HECW1: variants seen among roughly 807,000 people sequenced by gnomAD.
HECW1 encodes the protein HECT, C2 and WW domain containing E3 ubiquitin protein ligase 1.
Under a neutral mutation model 182.3 loss-of-function variants are expected in HECW1, and 61 were observed. The ratio of observed to expected loss-of-function variants is 0.33; its 90% CI spans 0.27 to 0.41. HECW1 has a LOEUF of 0.41. Ranked by LOEUF, HECW1 falls within the 10% of genes least tolerant of loss-of-function variation. The pLI is 1.00. For synonymous variants in HECW1, 859 were observed against 832.6 expected, an observed-to-expected ratio of 1.03 and a Z score of -0.55; for missense variants, 1,739 against 2,108.9, an observed-to-expected ratio of 0.82 and a Z score of 3.44.
chr7:43,247,841 GGAA>G lies in HECW1; in HGVS notation c.27+3914_27+3916del, dbSNP rs532626585. Among the ~76,000 whole-genome samples the G allele has an allele frequency of 5.0e-4, 61 of 122,054 alleles. 3 individuals carry two copies. Among genetic ancestry groups the G allele is most frequent in the African/African-American group, 2.6e-3 (61 of 23,108 alleles). 80.1% of individuals were successfully genotyped at this position (122,054 alleles called of 152,430 possible). A position where few individuals can be genotyped will look rare whatever the true frequency, so the allele number is the denominator to read the frequency against. On this transcript the variant is annotated intron_variant, in intron 3 of 29. Transcript: ENST00000395891. ...AAAGAGAGAGAAAGGTAAGAAGGAA[GGAA>G]GAAGGAAGGAAGGAAAGAAAGAAGA...
At chr7:43,471,621 T>A (rs2078028796) in intron 16 of HECW1, among the ~76,000 whole-genome samples, 1 of 151,990 alleles carries the variant, frequency 6.6e-6, no homozygotes, top group African/African-American at 2.4e-5. Flanking sequence ...ATCTTCAGAG[T>A]CTGAGAAAGG....
chr7:43,443,294 C>G (rs1034800611), intron 10 of HECW1, among the ~76,000 whole-genome samples: 2 of 152,212 alleles, frequency 1.3e-5, no homozygotes, highest in African/African-American at 4.8e-5. Context: ...TAATGAAGCT[C>G]TTGAGAACTT....
At chr7:43,524,945 G>T (rs189490385) in intron 24 of HECW1, among the ~76,000 whole-genome samples, 1 of 152,276 alleles carries the variant, frequency 6.6e-6, no homozygotes, top group Admixed American at 6.5e-5. Flanking sequence ...AACTGAGGAG[G>T]TTTTCACGAG....
chr7:43,118,115 C>A (rs1785224090), intron 2 of HECW1: 1 of 152,510 alleles, frequency 6.6e-6, no homozygotes, highest in Non-Finnish European at 1.5e-5. Flanking sequence ...CAAATGCCAT[C>A]ATGGAGACTT....
At chr7:43,488,934 G>A (rs2078826871) in intron 17 of HECW1, among the ~76,000 whole-genome samples, 2 of 152,198 alleles carry the variant, frequency 1.3e-5, no homozygotes. Context: ...GGGCTAACTG[G>A]ACTTCAGCTG....
At chr7:43,388,500 T>C (rs2074891046) in intron 6 of HECW1, among the ~76,000 whole-genome samples, 1 of 152,196 alleles carries the variant, frequency 6.6e-6, no homozygotes. Context: ...GTGTACTGCA[T>C]AATGATTATC....
chr7:43,228,552 C>G lies in HECW1; in HGVS notation c.-31-15323C>G, dbSNP rs180990379. 6.6e-5 allele frequency among the ~76,000 whole-genome samples: 10 copies of G among 152,304 alleles called. No homozygotes were observed. The East Asian group carries it at 1.2e-3, about 18-fold the overall frequency. The stretch of plus-strand genomic sequence containing the variant: ...TGAGTTTGGGGGAGAAGAACACTTG[C>G]ATGGATCACCAGCTGGGTATAAATT... On this transcript the variant is annotated intron_variant, in intron 2 of 29. Transcript: ENST00000395891.
chr7:43,248,683 C>A, intron 3 of HECW1: 1 of 136,642 alleles, frequency 7.3e-6, no homozygotes, highest in South Asian at 2.2e-4. Flanking sequence ...TCCTCCTCCT[C>A]CTCCTCCTCC....
rs527975826 is a variant in HECW1, at chr7:43,513,488, G to C, written c.4019+4367G>C. Among the ~76,000 whole-genome samples the C allele has an allele frequency of 1.4e-4, 22 of 152,282 alleles. 1 individual carries two copies. The Middle Eastern group carries it at 0.017, about 118-fold the overall frequency. On this transcript the variant is annotated intron_variant, in intron 24 of 29. Transcript: ENST00000395891. Reference sequence around the variant, plus strand: ...GGGTACTTGACATTCTGGGCTTCCTGCTCCCTGTGTGTGGGCTTTGTATCC... The same window carrying C: ...GGGTACTTGACATTCTGGGCTTCCTCCTCCCTGTGTGTGGGCTTTGTATCC...
intron 3 of HECW1, among the ~76,000 whole-genome samples, chr7:43,261,877 T>A (rs564591773): frequency 1.2e-4 from 18 of 152,268 alleles, no homozygotes; most frequent in African/African-American, 3.9e-4. Flanking sequence ...TTATTTTTTT[T>A]AATTTTTCAG....
chr7:43,130,391 A>G (rs1293552983), intron 2 of HECW1, among the ~76,000 whole-genome samples: 3 of 152,172 alleles, frequency 2.0e-5, no homozygotes, highest in African/African-American at 7.2e-5. Flanking sequence ...AATATTTTTG[A>G]TAATTTTATA....
chr7:43,542,302 T>C (rs1168912347), intron 26 of HECW1, among the ~76,000 whole-genome samples: 1 of 152,176 alleles, frequency 6.6e-6, no homozygotes, highest in Non-Finnish European at 1.5e-5. Flanking sequence ...TTTGTTTTTT[T>C]GTGGCTGACT....
intron 6 of HECW1, among the ~76,000 whole-genome samples, chr7:43,382,505 A>G (rs1424300424): frequency 1.3e-5 from 2 of 152,240 alleles, no homozygotes; most frequent in Admixed American, 1.3e-4. Context: ...TTTCAACATC[A>G]TAGAGAAAAT....
intron 3 of HECW1, among the ~76,000 whole-genome samples, chr7:43,259,779 G>A (rs1211782365): frequency 6.6e-6 from 1 of 151,820 alleles, no homozygotes; most frequent in Non-Finnish European, 1.5e-5. Context: ...AAAGCACAGG[G>A]AAAAAAAATA....
chr7:43,499,531 A>G (rs1449385140), intron 19 of HECW1, among the ~76,000 whole-genome samples: 1 of 152,006 alleles, frequency 6.6e-6, no homozygotes. Context: ...ATCTTTTACC[A>G]CTGGGAGAAA....
chr7:43,556,289 C>T (rs781487881), intron 29 of HECW1, among the ~76,000 whole-genome samples: 1 of 152,134 alleles, frequency 6.6e-6, no homozygotes, highest in Non-Finnish European at 1.5e-5. Flanking sequence ...CGGGGAATGG[C>T]AGCACGTGTT....
intron 24 of HECW1, among the ~76,000 whole-genome samples, chr7:43,520,259 AT>A (rs1475035306): frequency 6.6e-6 from 1 of 151,700 alleles, no homozygotes; most frequent in Non-Finnish European, 1.5e-5. Flanking sequence ...TCCCTTCTTT[AT>A]CTCTTTTTCC....
chr7:43,465,128 C>T (rs2077720519), intron 14 of HECW1, among the ~76,000 whole-genome samples: 1 of 152,074 alleles, frequency 6.6e-6, no homozygotes, highest in African/African-American at 2.4e-5. Context: ...GTTCAAACTT[C>T]TGAGAGAGAC....
chr7:43,217,673 G>T (rs1250296524), intron 2 of HECW1, among the ~76,000 whole-genome samples: 1 of 152,206 alleles, frequency 6.6e-6, no homozygotes, highest in African/African-American at 2.4e-5. Flanking sequence ...CTTGCAAAAT[G>T]ATGAGGGGCT....
Sources: allele counts gnomAD v4.1 joint callset (sites outside exome capture counted in the v4.1 genomes callset), GRCh38; gene constraint gnomAD v4.1.1; transcripts MANE v1.5; gene names NCBI Gene and HGNC (gene_info 2026-07-23, HGNC 2026-07-21).